The following CCDC174 variants were observed in gnomAD, a reference collection of about 807,000 sequenced individuals.
CCDC174 encodes coiled-coil domain-containing protein 174.
CCDC174 carries 37 observed loss-of-function variants against 57.1 expected under a neutral mutation model. That is an observed-to-expected ratio of 0.65 (90% CI 0.50 to 0.85). The LOEUF is 0.85. Among genes scored for constraint, CCDC174 ranks in the 40% least tolerant of loss-of-function variants. CCDC174 has a pLI of 0.00. For missense variants in CCDC174, 540 were observed against 574.3 expected, an observed-to-expected ratio of 0.94 and a Z score of 0.61; for synonymous variants, 182 against 190.2, an observed-to-expected ratio of 0.96 and a Z score of 0.35.
Position 14,671,308 on chromosome 3 carries a change from C to A in CCDC174, c.*114C>A. ...TTTGTCCTGTCCTTTCCCTAGGAGG[C>A]ACAGACTTCGGGTTGGATTTGTCAG... On this transcript the variant is annotated 3_prime_UTR_variant, in exon 11 of 11. Transcript: ENST00000383794. 1 of 1,128,194 alleles carries A rather than the reference C, an allele frequency of 8.9e-7. No individual in the cohort carries two copies. Among genetic ancestry groups the A allele is most frequent in the East Asian group, 2.4e-5 (1 of 41,418 alleles). 69.9% of individuals were successfully genotyped at this position (1,128,194 alleles called of 1,614,324 possible).
chr3:14,657,531 C>A (rs2030996798), intron 3 of CCDC174, among the ~76,000 whole-genome samples: 1 of 152,212 alleles, frequency 6.6e-6, no homozygotes, highest in South Asian at 2.1e-4. Context: ...AATCCAGCGG[C>A]CGTTTCCCTG....
chr3:14,670,712 G>C (rs1258806438), intron 10 of CCDC174, among the ~76,000 whole-genome samples, 184 bp from the exon 11 acceptor site: 3 of 152,056 alleles, frequency 2.0e-5, no homozygotes, highest in Admixed American at 6.5e-5. Context: ...TTCTTAGCCT[G>C]GTCTTTTATA....
rs759188610 is a variant in CCDC174 at position 14,661,755 on chromosome 3, C to A, written c.485+48C>A. ...TCAGAGGAACATCCTCAGACTTGCG[C>A]TGACATTTTGGGAGTGATTTTGTTG... On this transcript the variant is annotated intron_variant, in intron 5 of 10. Transcript: ENST00000383794. 517 of 1,518,364 alleles carry A rather than the reference C, an allele frequency of 3.4e-4. 2 individuals are homozygous for A. Among genetic ancestry groups the A allele is most frequent in the Non-Finnish European group, 6.1e-5 (69 of 1,123,324 alleles). 94.1% of individuals were successfully genotyped at this position (1,518,364 alleles called of 1,614,324 possible).
intron 6 of CCDC174, among the ~76,000 whole-genome samples, chr3:14,665,827 G>A (rs909665461): frequency 6.6e-6 from 1 of 150,912 alleles, no homozygotes; most frequent in African/African-American, 2.4e-5. Flanking sequence ...TTAGGAGTTC[G>A]AGATCATCCT....
At chr3:14,667,942 C>A in intron 8 of CCDC174, 107 bp from the exon 9 acceptor site, 1 of 1,082,246 alleles carries the variant, frequency 9.2e-7, no homozygotes, top group Non-Finnish European at 1.3e-6. Flanking sequence ...TTAGAGGTGG[C>A]CTGAAGATCA....
chr3:14,654,711 G>A (rs2030893215), intron 2 of CCDC174, among the ~76,000 whole-genome samples, 181 bp downstream of exon 2: 1 of 152,170 alleles, frequency 6.6e-6, no homozygotes, highest in Non-Finnish European at 1.5e-5. Flanking sequence ...TTATATAAAA[G>A]TACATAGTAA....
chr3:14,666,662 G>A, intron 6 of CCDC174, 143 bp from the exon 7 acceptor site: 1 of 599,922 alleles, frequency 1.7e-6, no homozygotes, highest in South Asian at 3.7e-5. Flanking sequence ...TGATTTTCCA[G>A]CAGTCTTGTG....
In CCDC174 at chr3:14,664,476, A is replaced by T. The variant is rs1339382632; in HGVS notation, c.486-552A>T. The stretch of plus-strand genomic sequence containing the variant: ...TGACCACTGTCTAGTTTGAGCAAAG[A>T]TGAGGAGAGAGGTATGGTGTTTGGC... On this transcript the variant is annotated intron_variant, in intron 5 of 10. Coordinates refer to ENST00000383794, the MANE Select transcript of CCDC174 (RefSeq NM_016474.5). Among the ~76,000 whole-genome samples, 5 of 152,196 alleles carry T rather than the reference A, an allele frequency of 3.3e-5. No individual in the cohort carries two copies. The South Asian group carries it at 8.3e-4, about 25-fold the overall frequency.
Position 14,670,097 on chromosome 3 carries a change from T to C in CCDC174, c.1105+11T>C. ...GGGACCGCGGAAAAGGTAAGGGAGG[T>C]GGGCTCTGAGGTGTAAGAACTCTCC... On this transcript the variant is annotated intron_variant, in intron 10 of 10. Coordinates refer to ENST00000383794, the MANE Select transcript of CCDC174 (RefSeq NM_016474.5). The C allele has an allele frequency of 6.2e-7, 1 of 1,603,368 alleles. No homozygotes were observed. The highest frequency in any genetic ancestry group is 8.5e-7 in the Non-Finnish European group (1 of 1,177,184).
Position 14,665,057 on chromosome 3 carries a change from C to T in CCDC174, c.515C>T (p.Ser172Phe). The T allele has an allele frequency of 6.2e-7, 1 of 1,613,988 alleles. No individual in the cohort carries two copies. The highest frequency in any genetic ancestry group is 1.1e-5 in the South Asian group (1 of 91,074). ...GATTACGTGGACTCTTTGGGGCGTTCCCGGCGCTGTATGAGAAAGGATTTG... is the reference window on the plus strand; with the variant it reads ...GATTACGTGGACTCTTTGGGGCGTTTCCGGCGCTGTATGAGAAAGGATTTG... ...WVDYVDSLGR[S>F]RRCMRKDLPD... The change falls in exon 6 of 11, where the codon TCC becomes TTC. Residue 172 changes from serine (S) to phenylalanine (F), a missense_variant. Ser to Phe is a radical substitution (Grantham distance 155). Coordinates refer to ENST00000383794, the MANE Select transcript of CCDC174 (RefSeq NM_016474.5).
intron 1 of CCDC174, 136 bp from the exon 2 acceptor site, chr3:14,654,290 C>T: frequency 1.6e-6 from 1 of 632,802 alleles, no homozygotes; most frequent in Non-Finnish European, 2.8e-6. Flanking sequence ...CATTTAGTTA[C>T]TTAAACATTT....
chr3:14,670,932 A>G lies in CCDC174; in HGVS notation c.1142A>G (p.Asp381Gly), dbSNP rs750686787. ...SFGYWSKRQS[D>G]LRAERDPEFA... ...GGATACTGGTCGAAGAGGCAGTCAG[A>G]TCTCCGGGCTGAGAGAGATCCTGAG... Residue 381 changes from aspartate to glycine, a missense_variant, in exon 11 of 11, where the codon GAT becomes GGT. Physicochemically the swap from Asp to Gly is moderately conservative, Grantham distance 94. Coordinates refer to ENST00000383794, the MANE Select transcript of CCDC174 (RefSeq NM_016474.5). 1 of 1,613,020 alleles carries G rather than the reference A, an allele frequency of 6.2e-7. No homozygotes were observed. The highest frequency in any genetic ancestry group is 1.1e-5 in the South Asian group (1 of 91,050).
chr3:14,661,807 T>C, intron 5 of CCDC174, 100 bp downstream of exon 5: 1 of 1,070,898 alleles, frequency 9.3e-7, no homozygotes, highest in Admixed American at 2.8e-5. Context: ...TTTCTCTTTA[T>C]TCTTCCTGGG....
intron 6 of CCDC174, among the ~76,000 whole-genome samples, chr3:14,665,373 A>G (rs1275119481): frequency 6.6e-6 from 1 of 152,234 alleles, no homozygotes; most frequent in African/African-American, 2.4e-5. Context: ...ATGTCTGACA[A>G]CAGAGTAACA....
intron 8 of CCDC174, among the ~76,000 whole-genome samples, chr3:14,667,827 C>T (rs1001234817): frequency 1.3e-5 from 2 of 152,106 alleles, no homozygotes; most frequent in African/African-American, 2.4e-5. Flanking sequence ...AGTGTTAAGG[C>T]TTGCAAGATG....
At position 14,661,607 on chromosome 3, in the gene CCDC174, G is replaced by C. The variant is rs548033855; in HGVS notation, c.385G>C (p.Gly129Arg). ...CAAGCGCAAAGAAATGGAGGCATCTGGTGCCCATAGAGATTCTCAAAAGGC... is the reference window on the plus strand; with the variant it reads ...CAAGCGCAAAGAAATGGAGGCATCTCGTGCCCATAGAGATTCTCAAAAGGC... ...IDKRKEMEASGAHRDSQKAGE... is the reference protein window; with the variant it reads ...IDKRKEMEASRAHRDSQKAGE... The change falls in exon 5 of 11, where the codon GGT (glycine) becomes CGT (arginine). Residue 129 changes from glycine (G) to arginine (R), a missense_variant. Coordinates refer to ENST00000383794, the MANE Select transcript of CCDC174 (RefSeq NM_016474.5). 1 of 1,614,160 alleles carries C rather than the reference G, an allele frequency of 6.2e-7. No individual in the cohort carries two copies. Among genetic ancestry groups the C allele is most frequent in the African/African-American group, 1.3e-5 (1 of 75,066 alleles).
intron 4 of CCDC174, among the ~76,000 whole-genome samples, chr3:14,660,757 G>A (rs76380342): frequency 1.3e-4 from 20 of 152,126 alleles, no homozygotes; most frequent in African/African-American, 4.8e-4. Context: ...GCTTAATGTG[G>A]GTTCAATGTA....
In CCDC174 at chr3:14,670,087, G is replaced by A. The variant is rs766891069; in HGVS notation, c.1105+1G>A. ...ATCCGGGAGTGGGACCGCGGAAAAG[G>A]TAAGGGAGGTGGGCTCTGAGGTGTA... is the stretch of plus-strand genomic sequence containing the variant. On this transcript the variant is annotated splice_donor_variant, in intron 10 of 10. Transcript: ENST00000383794. LOFTEE classifies it high-confidence loss of function. The A allele has an allele frequency of 1.2e-6, 2 of 1,607,194 alleles. No individual in the cohort carries two copies. The highest frequency in any genetic ancestry group is 1.7e-6 in the Non-Finnish European group (2 of 1,178,236).
At chr3:14,666,057 A>AAAAG (rs1177815179) in intron 6 of CCDC174, among the ~76,000 whole-genome samples, 1 of 88,318 alleles carries the variant, frequency 1.1e-5, no homozygotes. Context: ...AAAAAAAAAA[A>AAAAG]AAAGAAAGAA....
Sources: allele counts gnomAD v4.1 joint callset (sites outside exome capture counted in the v4.1 genomes callset), GRCh38; gene constraint gnomAD v4.1.1; transcripts MANE v1.5; gene names NCBI Gene and HGNC (gene_info 2026-07-23, HGNC 2026-07-21).